GALNT18: variants seen among roughly 807,000 people sequenced by gnomAD.
GALNT18 encodes the protein GalNAc-transferase 18.
GALNT18 carries 44 observed loss-of-function variants against 69.5 expected under a neutral mutation model. The observed-to-expected ratio is 0.63, with a 90% CI of 0.50 to 0.81. The LOEUF is 0.81. Among genes scored for constraint, GALNT18 ranks in the 40% least tolerant of loss-of-function variants. GALNT18 has a pLI of 0.00. For synonymous variants in GALNT18, 364 were observed against 318.2 expected (o/e 1.14, Z -1.53); for missense variants, 715 against 810.0 (o/e 0.88, Z 1.42).
In GALNT18 at chr11:11,463,181, T is replaced by G. The variant is rs1314662882; in HGVS notation, c.236-14245A>C. ...TTATCACTGGCTGTATCCTCACACA[T>G]GGACATACACACTCAGACAGACAGA... On this transcript the variant is annotated intron_variant, in intron 1 of 10. Transcript: ENST00000227756. The surrounding 1 kb of genome is among the most constrained non-coding windows in gnomAD (Gnocchi z 4.2). 6.7e-6 allele frequency among the ~76,000 whole-genome samples: 1 copy of G among 149,072 alleles called. No individual in the cohort carries two copies. The highest frequency in any genetic ancestry group is 1.5e-5 in the Non-Finnish European group (1 of 67,528).
chr11:11,410,730 G>A (rs1854707913), intron 3 of GALNT18, among the ~76,000 whole-genome samples: 1 of 152,320 alleles, frequency 6.6e-6, no homozygotes, highest in South Asian at 2.1e-4. Flanking sequence ...AACGATGGCT[G>A]TCTAATTTTA....
chr11:11,463,748 T>C lies in GALNT18; in HGVS notation c.236-14812A>G, dbSNP rs1856097883. On this transcript the variant is annotated intron_variant, in intron 1 of 10. Coordinates refer to ENST00000227756, the MANE Select transcript of GALNT18 (RefSeq NM_198516.3). The surrounding 1 kb of genome is among the most constrained non-coding windows in gnomAD (Gnocchi z 4.2). ...CTTTGAATCCACGTCAAAGAAGCCA[T>C]CAAAGGAAATAGGCCATTTTCAAAC... 6.6e-6 allele frequency among the ~76,000 whole-genome samples: 1 copy of C among 152,144 alleles called. No homozygotes were observed. The highest frequency in any genetic ancestry group is 1.5e-5 in the Non-Finnish European group (1 of 68,028).
At chr11:11,488,824 C>T (rs1364948428) in intron 1 of GALNT18, among the ~76,000 whole-genome samples, 1 of 152,150 alleles carries the variant, frequency 6.6e-6, no homozygotes, top group African/African-American at 2.4e-5. Flanking sequence ...AAAGGCCATG[C>T]TTACCAGAAG....
rs762254576 is a variant in GALNT18, at chr11:11,320,301, ATG to A, written c.1512+6783_1512+6784del. On this transcript the variant is annotated intron_variant, in intron 9 of 10. Coordinates refer to ENST00000227756, the MANE Select transcript of GALNT18 (RefSeq NM_198516.3). This position sits in a 1 kb window ranked among gnomAD's most constrained non-coding sequence, Gnocchi z 4.9. ...CTTGGTCTATATTCCCTAGGCAACA[ATG>A]TAAAGTGCCACCTCCATCTCCTGCA... Among the ~76,000 whole-genome samples, 4 of 152,342 alleles carry A rather than the reference ATG, an allele frequency of 2.6e-5. No individual in the cohort carries two copies. Among genetic ancestry groups the A allele is most frequent in the Non-Finnish European group, 5.9e-5 (4 of 68,038 alleles).
intron 1 of GALNT18, among the ~76,000 whole-genome samples, chr11:11,491,855 C>T (rs1856776941): frequency 1.3e-5 from 2 of 152,144 alleles, no homozygotes; most frequent in Non-Finnish European, 2.9e-5. Flanking sequence ...AGAAGCAAGA[C>T]AATCTCACTT....
At chr11:11,481,648 C>T (rs1680736896) in intron 1 of GALNT18, among the ~76,000 whole-genome samples, 1 of 152,084 alleles carries the variant, frequency 6.6e-6, no homozygotes, top group African/African-American at 2.4e-5. Context: ...TAGTAGACAC[C>T]AATGGAAAGA....
At chr11:11,304,484 A>G (rs935801206) in intron 9 of GALNT18, among the ~76,000 whole-genome samples, 3 of 152,232 alleles carry the variant, frequency 2.0e-5, no homozygotes, top group Admixed American at 6.5e-5. Flanking sequence ...CTTGTCTGCT[A>G]TAAGCTGTGC....
At chr11:11,322,811 G>A (rs1450200277) in intron 9 of GALNT18, among the ~76,000 whole-genome samples, 1 of 152,218 alleles carries the variant, frequency 6.6e-6, no homozygotes, top group African/African-American at 2.4e-5. Flanking sequence ...TTTTCTCACA[G>A]TTCTGGAGGC....
intron 2 of GALNT18, among the ~76,000 whole-genome samples, chr11:11,442,581 G>T (rs950945748): frequency 6.6e-6 from 1 of 152,120 alleles, no homozygotes; most frequent in Non-Finnish European, 1.5e-5. Flanking sequence ...CTCCCAGGAA[G>T]ACCAGTGCCC....
chr11:11,405,054 T>C (rs1854558946), intron 3 of GALNT18, among the ~76,000 whole-genome samples: 1 of 152,226 alleles, frequency 6.6e-6, no homozygotes, highest in Non-Finnish European at 1.5e-5. Context: ...GACACCTTCT[T>C]GTACCTTAGA....
At chr11:11,416,126 T>C (rs78233145) in intron 3 of GALNT18, among the ~76,000 whole-genome samples, 15,303 of 152,228 alleles carry the variant, frequency 0.1, 857 homozygotes, top group African/African-American at 0.14. Context: ...CCAGAGGAAG[T>C]GGGCCTGTGA....
chr11:11,527,667 A>G (rs1408542670), intron 1 of GALNT18, among the ~76,000 whole-genome samples: 1 of 152,174 alleles, frequency 6.6e-6, no homozygotes, highest in Non-Finnish European at 1.5e-5. Flanking sequence ...ATAAAGCCAG[A>G]TTTTATTTTC....
intron 1 of GALNT18, among the ~76,000 whole-genome samples, chr11:11,577,460 G>A (rs918513647): frequency 8.5e-5 from 13 of 152,290 alleles, no homozygotes; most frequent in African/African-American, 3.1e-4. Context: ...ACCACTGTGT[G>A]CCAGAAAGGA....
At chr11:11,485,018 T>A (rs528566483) in intron 1 of GALNT18, among the ~76,000 whole-genome samples, 1 of 152,320 alleles carries the variant, frequency 6.6e-6, no homozygotes, top group South Asian at 2.1e-4. Flanking sequence ...ACTCAACATT[T>A]CCAAGCCATC....
intron 1 of GALNT18, among the ~76,000 whole-genome samples, chr11:11,515,027 G>T (rs1178073855): frequency 6.6e-6 from 1 of 152,214 alleles, no homozygotes; most frequent in Admixed American, 6.5e-5. Flanking sequence ...TGGTCCAAAT[G>T]AGAGGCATTA....
rs1388014719 is a variant in GALNT18 at position 11,617,600 on chromosome 11, CA to C, written c.235+3758del. Among the ~76,000 whole-genome samples, 2 of 152,162 alleles carry C rather than the reference CA, an allele frequency of 1.3e-5. No individual in the cohort carries two copies. Among genetic ancestry groups the C allele is most frequent in the Non-Finnish European group, 2.9e-5 (2 of 68,016 alleles). ...ATGAACAAATCCAGAAGGAAATGCTCAAAATGCAAACTGATTTTTAGGGTAG... is the reference window on the plus strand; with the variant it reads ...ATGAACAAATCCAGAAGGAAATGCTCAAATGCAAACTGATTTTTAGGGTAG... On this transcript the variant is annotated intron_variant, in intron 1 of 10. Transcript: ENST00000227756. This position sits in a 1 kb window ranked among gnomAD's most constrained non-coding sequence, Gnocchi z 4.7.
intron 6 of GALNT18, among the ~76,000 whole-genome samples, chr11:11,365,229 G>A (rs1023207656): frequency 6.6e-6 from 1 of 152,006 alleles, no homozygotes; most frequent in Non-Finnish European, 1.5e-5. Context: ...TTCCACTTAT[G>A]GGTGAGAACA....
chr11:11,395,990 GA>G (rs1854316839), intron 3 of GALNT18, among the ~76,000 whole-genome samples: 1 of 152,150 alleles, frequency 6.6e-6, no homozygotes, highest in South Asian at 2.1e-4. Flanking sequence ...ATGGGGAGGG[GA>G]GAGGGAGGGG....
At chr11:11,468,347 G>C (rs7483839) in intron 1 of GALNT18, among the ~76,000 whole-genome samples, 53,518 of 152,050 alleles carry the variant, frequency 0.35, 9,980 homozygotes, top group East Asian at 0.55. Context: ...TGTAGAAAGA[G>C]AAGTCTGTCA....
Sources: allele counts gnomAD v4.1 joint callset (sites outside exome capture counted in the v4.1 genomes callset), GRCh38; gene constraint gnomAD v4.1.1; non-coding constraint Gnocchi (gnomAD v3.1); transcripts MANE v1.5; gene names NCBI Gene and HGNC (gene_info 2026-07-23, HGNC 2026-07-21).